Variants in EIF4G3 observed in about 807,000 individuals in gnomAD.
EIF4G3 encodes eukaryotic translation initiation factor 4 gamma 3, also known as eIF-4-gamma 3.
EIF4G3 carries 34 observed loss-of-function variants against 186.4 expected under a neutral mutation model. That is an observed-to-expected ratio of 0.18 (90% confidence interval 0.14 to 0.24). EIF4G3 has a LOEUF of 0.24. Among genes scored for constraint, EIF4G3 ranks in the 10% least tolerant of loss-of-function variants. The pLI is 1.00. For missense variants in EIF4G3, 1,536 were observed against 1,948.5 expected (o/e 0.79, Z 3.99); for synonymous variants, 673 against 679.5 (o/e 0.99, Z 0.15).
intron 4 of EIF4G3, among the ~76,000 whole-genome samples, chr1:21,029,396 C>G (rs2092515732): frequency 6.6e-6 from 1 of 150,400 alleles, no homozygotes; most frequent in South Asian, 2.1e-4. Context: ...ATCCTGGGAG[C>G]AAGAACAGAG....
At chr1:20,851,189 A>C in intron 28 of EIF4G3, 69 bp downstream of exon 28, 1 of 1,423,398 alleles carries the variant, frequency 7.0e-7, no homozygotes, top group South Asian at 1.2e-5. Flanking sequence ...ACTCAGGCAC[A>C]GTCTCTTTTT....
intron 32 of EIF4G3, among the ~76,000 whole-genome samples, chr1:20,827,050 T>C (rs1056964691): frequency 6.6e-6 from 1 of 152,178 alleles, no homozygotes; most frequent in Non-Finnish European, 1.5e-5. Flanking sequence ...ATCCAATATC[T>C]TTGAGTCAGG....
chr1:21,086,671 G>A (rs1417851895), intron 3 of EIF4G3, among the ~76,000 whole-genome samples: 3 of 151,812 alleles, frequency 2.0e-5, no homozygotes, highest in South Asian at 4.2e-4. Context: ...GGGGCGCAGT[G>A]TCTCACACCT....
intron 6 of EIF4G3, chr1:20,999,325 T>G: frequency 2.7e-6 from 1 of 365,632 alleles, no homozygotes; most frequent in South Asian, 2.1e-5. Context: ...ATTTTCAGTT[T>G]TCCAATTAGG....
chr1:20,891,200 A>G (rs2085909408), intron 18 of EIF4G3, among the ~76,000 whole-genome samples: 1 of 152,226 alleles, frequency 6.6e-6, no homozygotes, highest in Non-Finnish European at 1.5e-5. Flanking sequence ...TAAACTCACA[A>G]TATTTCCTTT....
At chr1:21,037,165 T>C (rs548760706) in intron 4 of EIF4G3, among the ~76,000 whole-genome samples, 1 of 152,174 alleles carries the variant, frequency 6.6e-6, no homozygotes, top group Non-Finnish European at 1.5e-5. Flanking sequence ...TATTTGGCTC[T>C]TTTTAAGTTA....
chr1:20,880,928 T>C (rs1481112708), intron 19 of EIF4G3, among the ~76,000 whole-genome samples: 1 of 152,202 alleles, frequency 6.6e-6, no homozygotes, highest in East Asian at 1.9e-4. Flanking sequence ...CAAATCCTAA[T>C]AGGGCCTTTT....
intron 29 of EIF4G3, among the ~76,000 whole-genome samples, chr1:20,841,500 C>A (rs1189938869): frequency 6.6e-6 from 1 of 152,038 alleles, no homozygotes; most frequent in African/African-American, 2.4e-5. Flanking sequence ...GATTCAAAAG[C>A]CTTAATGTGT....
At chr1:20,982,291 T>C (rs1180553818) in intron 8 of EIF4G3, 97 bp downstream of exon 8, 4 of 857,448 alleles carry the variant, frequency 4.7e-6, no homozygotes, top group Non-Finnish European at 6.9e-6. Flanking sequence ...ATAGTAAATT[T>C]CCAATGTGAA....
intron 4 of EIF4G3, among the ~76,000 whole-genome samples, chr1:21,037,580 T>C (rs1416346407): frequency 1.3e-5 from 2 of 152,136 alleles, no homozygotes; most frequent in Non-Finnish European, 2.9e-5. Context: ...ATCAATACCG[T>C]AAAAACCTTC....
At position 21,023,024 on chromosome 1, in the gene EIF4G3, A is replaced by G. The variant is rs544657277; in HGVS notation, c.-66-20216T>C. ...TAGGCACGCAAAAACTTTTACTCAC[A>G]TTAGAATGAAAAAAACTCTCAAACT... On this transcript the variant is annotated intron_variant, in intron 4 of 36. Coordinates refer to ENST00000602326, the MANE Select transcript of EIF4G3 (RefSeq NM_001391906.1). Among the ~76,000 whole-genome samples the G allele has an allele frequency of 3.9e-5, 6 of 152,266 alleles. No individual in the cohort carries two copies. In the South Asian group the frequency reaches 1.0e-3, roughly 26 times the overall value.
At position 20,941,737 on chromosome 1, in the gene EIF4G3, T is replaced by C. The variant is rs2095723592; in HGVS notation, c.1417A>G (p.Thr473Ala). The C allele has an allele frequency of 4.4e-6, 7 of 1,608,890 alleles. No individual in the cohort carries two copies. The highest frequency in any genetic ancestry group is 5.9e-6 in the Non-Finnish European group (7 of 1,177,726). The change falls in exon 14 of 37, where the codon ACT (threonine) becomes GCT (alanine). Residue 473 changes from threonine (T) to alanine (A), a missense_variant. Coordinates refer to ENST00000602326, the MANE Select transcript of EIF4G3 (RefSeq NM_001391906.1). ...GGAGAAGCTGGAGGAGTTGGAGGAG[T>C]TGGAGGAAAGGAAGGAACTGTGGAA... is the stretch of plus-strand genomic sequence containing the variant. Reference protein sequence around the residue: ...TPSTVPSFPPTPPTPPASPPH... With the variant: ...TPSTVPSFPPAPPTPPASPPH...
chr1:21,132,834 G>A (rs942527561), intron 2 of EIF4G3, among the ~76,000 whole-genome samples: 4 of 152,134 alleles, frequency 2.6e-5, no homozygotes, highest in African/African-American at 9.7e-5. Flanking sequence ...CCAGTCTGGA[G>A]TACAGTGGCA....
chr1:20,972,950 A>C (rs971835152), intron 11 of EIF4G3, 52 bp downstream of exon 11: 1 of 1,426,152 alleles, frequency 7.0e-7, no homozygotes, highest in Non-Finnish European at 9.5e-7. Flanking sequence ...CTTATCTGAT[A>C]AGTGAATAGA....
At chr1:20,816,403 T>C (rs1204939751) in intron 34 of EIF4G3, among the ~76,000 whole-genome samples, 1 of 103,154 alleles carries the variant, frequency 9.7e-6, no homozygotes, top group African/African-American at 3.7e-5. Flanking sequence ...GGCCGCCCCG[T>C]CCGGGAGGTG....
At chr1:20,916,452 A>AAAAAAC (rs940909971) in intron 14 of EIF4G3, among the ~76,000 whole-genome samples, 1 of 152,038 alleles carries the variant, frequency 6.6e-6, no homozygotes, top group Non-Finnish European at 1.5e-5. Context: ...GTCTCAAAAA[A>AAAAAAC]AAAAACAAAA....
intron 14 of EIF4G3, among the ~76,000 whole-genome samples, chr1:20,935,067 A>T (rs2095474811): frequency 6.6e-6 from 1 of 152,336 alleles, no homozygotes; most frequent in Admixed American, 6.5e-5. Flanking sequence ...TGGTTCAAAC[A>T]GGTGGGCTTT....
At chr1:20,891,642 C>T (rs1043073527) in intron 18 of EIF4G3, among the ~76,000 whole-genome samples, 1 of 147,364 alleles carries the variant, frequency 6.8e-6, no homozygotes, top group Non-Finnish European at 1.5e-5. Flanking sequence ...AAAAAATTAG[C>T]TGGGCGTGGT....
intron 2 of EIF4G3, among the ~76,000 whole-genome samples, chr1:21,147,310 T>C (rs1203549168): frequency 6.6e-6 from 1 of 152,042 alleles, no homozygotes; most frequent in Non-Finnish European, 1.5e-5. Context: ...ATAAAACACA[T>C]GCACTGTTTT....
Sources: allele counts gnomAD v4.1 joint callset (sites outside exome capture counted in the v4.1 genomes callset), GRCh38; gene constraint gnomAD v4.1.1; transcripts MANE v1.5; gene names NCBI Gene and HGNC (gene_info 2026-07-23, HGNC 2026-07-21).